Variants in ACAT2 observed in about 807,000 individuals in gnomAD.
The protein encoded by ACAT2 is acetyl-CoA acetyltransferase 2.
In ACAT2, 26 loss-of-function variants were observed where a neutral mutation model predicts 37.1. The observed-to-expected ratio is 0.70, with a 90% confidence interval of 0.51 to 0.97. The LOEUF (loss-of-function observed/expected upper bound fraction) is 0.97. ACAT2 is among the 50% of genes least tolerant of loss of function. The probability of loss-of-function intolerance (pLI) is 0.00; values close to 1 mark genes in which losing one functional copy is unlikely to be tolerated. For missense variants in ACAT2, 468 were observed against 489.0 expected (o/e 0.96, Z 0.40); for synonymous variants, 156 against 163.6 (o/e 0.95, Z 0.35).
intron 3 of ACAT2, among the ~76,000 whole-genome samples, chr6:159,767,990 A>G (rs1311936392): frequency 6.6e-6 from 1 of 151,928 alleles, no homozygotes. Context: ...TTCAAATACA[A>G]CTCTTCCGAC....
Position 159,778,200 on chromosome 6 carries a change from G to A in ACAT2, c.943G>A (p.Val315Ile), listed in dbSNP as rs751994575. Residue 315 changes from valine to isoleucine, a missense_variant, in exon 8 of 9, where the codon GTT (valine) becomes ATT (isoleucine). Coordinates refer to ENST00000367048, the MANE Select transcript of ACAT2 (RefSeq NM_005891.3). Reference protein sequence around the residue: ...VTKAGWSLEDVDIFEINEAFA... With the variant: ...VTKAGWSLEDIDIFEINEAFA... ...AAAAGCAGGTTGGTCACTGGAAGAT[G>A]TTGACATATTTGAAATCAATGAAGC... 3.1e-6 allele frequency: 5 copies of A among 1,612,694 alleles called. No homozygotes were observed. The Admixed American group carries it at 6.7e-5, about 22-fold the overall frequency.
At chr6:159,767,340 G>A (rs1239823758) in intron 3 of ACAT2, among the ~76,000 whole-genome samples, 154 bp downstream of exon 3, 1 of 152,202 alleles carries the variant, frequency 6.6e-6, no homozygotes, top group Non-Finnish European at 1.5e-5. Flanking sequence ...TGAATGTGAA[G>A]TATTCTTCAG....
chr6:159,773,803 T>G (rs1780375067), intron 4 of ACAT2, among the ~76,000 whole-genome samples: 1 of 152,248 alleles, frequency 6.6e-6, no homozygotes, highest in African/African-American at 2.4e-5. Flanking sequence ...GAGTCCATCC[T>G]GATATAAATA....
chr6:159,767,282 A>G, intron 3 of ACAT2, 96 bp downstream of exon 3: 1 of 1,282,278 alleles, frequency 7.8e-7, no homozygotes, highest in East Asian at 2.3e-5. Flanking sequence ...GCAGAGCTGG[A>G]ACCAAACAGT....
chr6:159,767,252 A>G, intron 3 of ACAT2, 66 bp downstream of exon 3: 8 of 1,517,044 alleles, frequency 5.3e-6, no homozygotes, highest in Non-Finnish European at 7.3e-6. Context: ...CTATGCCAGA[A>G]CAGAGTAAAC....
chr6:159,776,342 C>A (rs1353233244), intron 6 of ACAT2, 70 bp downstream of exon 6: 1 of 1,529,130 alleles, frequency 6.5e-7, no homozygotes, highest in Non-Finnish European at 8.8e-7. Context: ...ATATTTTTCT[C>A]TTTATTTATA....
intron 2 of ACAT2, 141 bp downstream of exon 2, chr6:159,763,194 C>A: frequency 8.5e-7 from 1 of 1,172,840 alleles, no homozygotes; most frequent in Non-Finnish European, 1.2e-6. Context: ...AGAGTTCCCT[C>A]TGTTATGATT....
chr6:159,778,764 C>A lies in ACAT2; in HGVS notation c.1129C>A (p.Arg377Ser). Residue 377 changes from arginine (R) to serine (S), a missense_variant, in exon 9 of 9, where the codon CGT (arginine) becomes AGT (serine). By Grantham distance (110) the Arg-to-Ser change is moderately radical. Transcript: ENST00000367048. ...LHTLERMGRS[R>S]GVAALCIGGG... ...CACACTGGAGAGAATGGGCAGAAGT[C>A]GTGGTGTTGCAGCCCTGTGCATTGG... is the stretch of plus-strand genomic sequence containing the variant. The A allele has an allele frequency of 6.2e-7, 1 of 1,614,164 alleles. No individual in the cohort carries two copies. Among genetic ancestry groups the A allele is most frequent in the Non-Finnish European group, 8.5e-7 (1 of 1,180,014 alleles).
At chr6:159,770,473 T>C (rs1562477680) in intron 4 of ACAT2, among the ~76,000 whole-genome samples, 1 of 152,078 alleles carries the variant, frequency 6.6e-6, no homozygotes, top group Non-Finnish European at 1.5e-5. Context: ...AAGAACCAAA[T>C]AGAAATTCTA....
intron 4 of ACAT2, among the ~76,000 whole-genome samples, chr6:159,771,739 T>C (rs1780340194): frequency 6.6e-6 from 1 of 151,054 alleles, no homozygotes; most frequent in African/African-American, 2.4e-5. Flanking sequence ...CAAGAAATAC[T>C]AAAGGAGCCA....
chr6:159,778,726 T>C lies in ACAT2; in HGVS notation c.1091T>C (p.Val364Ala). Residue 364 changes from valine to alanine, a missense_variant, in exon 9 of 9, where the codon GTG becomes GCG. Val to Ala is a moderately conservative substitution (Grantham distance 64). Transcript: ENST00000367048. ...PLGASGCRIL[V>A]TLLHTLERMG... is the part of the protein sequence containing the mutation. ...GGAGCATCTGGCTGTCGAATTCTTG[T>C]GACCCTGTTACACACACTGGAGAGA... 1 of 1,614,246 alleles carries C rather than the reference T, an allele frequency of 6.2e-7. No homozygotes were observed. Among genetic ancestry groups the C allele is most frequent in the Non-Finnish European group, 8.5e-7 (1 of 1,180,036 alleles).
At chr6:159,764,281 G>A (rs1303051787) in intron 2 of ACAT2, among the ~76,000 whole-genome samples, 2 of 152,078 alleles carry the variant, frequency 1.3e-5, no homozygotes, top group Non-Finnish European at 2.9e-5. Context: ...TAAGTTCCCT[G>A]CCCTCTTAGG....
rs1378452971 is a variant in ACAT2, at chr6:159,767,134, G to A, written c.320G>A (p.Gly107Glu). 3 of 1,614,198 alleles carry A rather than the reference G, an allele frequency of 1.9e-6. No individual in the cohort carries two copies. Among genetic ancestry groups the A allele is most frequent in the Admixed American group, 3.3e-5 (2 of 60,014 alleles). ...GTGTGCCTTGCAGTCCAGTCAATAG[G>A]GATAGGAGACTCCAGCATTGTGGTT... ...KAVCLAVQSI[G>E]IGDSSIVVAG... The change falls in exon 3 of 9, where the codon GGG (glycine) becomes GAG (glutamate). Residue 107 changes from glycine to glutamate, a missense_variant. Transcript: ENST00000367048.
chr6:159,778,572 G>A, intron 8 of ACAT2, 87 bp from the exon 9 acceptor site: 1 of 1,428,164 alleles, frequency 7.0e-7, no homozygotes, highest in Non-Finnish European at 9.6e-7. Flanking sequence ...GTAGCATGCT[G>A]ATACATTAAG....
rs761316858 is a variant in ACAT2, at chr6:159,775,243, G to C, written c.564G>C (p.Arg188Ser). The change falls in exon 5 of 9, where the codon AGG becomes AGC. Residue 188 changes from arginine to serine, a missense_variant. Arg to Ser is a moderately radical substitution (Grantham distance 110). Transcript: ENST00000367048. ...QDKVAVLSQNRTENAQKAGHF... is the reference protein window; with the variant it reads ...QDKVAVLSQNSTENAQKAGHF... ...AGGTTGCAGTTCTGTCCCAGAACAG[G>C]ACAGAGAATGCACAGAAAGCTGGCC... The C allele has an allele frequency of 1.2e-6, 2 of 1,614,166 alleles. No homozygotes were observed. The highest frequency in any genetic ancestry group is 1.7e-6 in the Non-Finnish European group (2 of 1,180,034).
intron 7 of ACAT2, 107 bp from the exon 8 acceptor site, chr6:159,778,063 T>C (rs1017416768): frequency 1.4e-6 from 1 of 709,624 alleles, no homozygotes; most frequent in Non-Finnish European, 2.3e-6. Flanking sequence ...CAAACCAAAG[T>C]AGCAGTTACC....
At chr6:159,775,028 C>A in intron 4 of ACAT2, 142 bp from the exon 5 acceptor site, 4 of 894,514 alleles carry the variant, frequency 4.5e-6, no homozygotes, top group Non-Finnish European at 6.6e-6. Flanking sequence ...GGCAGGGCCA[C>A]CCCACACAGA....
At chr6:159,775,900 T>C in intron 5 of ACAT2, 1 of 387,966 alleles carries the variant, frequency 2.6e-6, no homozygotes, top group Non-Finnish European at 4.7e-6. Flanking sequence ...AGGTCCCTGG[T>C]AGCTACTTTC....
rs570374435 is a variant in ACAT2 at position 159,773,019 on chromosome 6, A to T, written c.491-2151A>T. ...AGGTACTCACCACCATGCCTGGCTAATTTTTTGTATTTTTTGTAGAAATGG... is the reference window on the plus strand; with the variant it reads ...AGGTACTCACCACCATGCCTGGCTATTTTTTTGTATTTTTTGTAGAAATGG... On this transcript the variant is annotated intron_variant, in intron 4 of 8. Coordinates refer to ENST00000367048, the MANE Select transcript of ACAT2 (RefSeq NM_005891.3). Among the ~76,000 whole-genome samples, 211 of 151,906 alleles carry T rather than the reference A, an allele frequency of 1.4e-3. 1 individual carries two copies. Among genetic ancestry groups the T allele is most frequent in the Non-Finnish European group, 2.2e-3 (151 of 67,946 alleles).
Sources: allele counts gnomAD v4.1 joint callset (sites outside exome capture counted in the v4.1 genomes callset), GRCh38; gene constraint gnomAD v4.1.1; transcripts MANE v1.5; gene names NCBI Gene and HGNC (gene_info 2026-07-23, HGNC 2026-07-21).